Variants in PCDHA12 observed in about 807,000 individuals in gnomAD.
PCDHA12 encodes protocadherin alpha 12.
In PCDHA12, 44 loss-of-function variants were observed where a neutral mutation model predicts 60.0. The ratio of observed to expected loss-of-function variants is 0.73; its 90% CI spans 0.58 to 0.94. PCDHA12 has a LOEUF of 0.94. Ranked by LOEUF, PCDHA12 falls within the 40% of genes least tolerant of loss-of-function variation. PCDHA12 has a pLI of 0.00. For synonymous variants in PCDHA12, 569 were observed against 553.0 expected, an observed-to-expected ratio of 1.03 and a Z score of -0.40; for missense variants, 1,276 against 1,239.7, an observed-to-expected ratio of 1.03 and a Z score of -0.44.
chr5:140,914,427 T>C (rs2076707638), intron 1 of PCDHA12, among the ~76,000 whole-genome samples: 1 of 152,196 alleles, frequency 6.6e-6, no homozygotes, highest in African/African-American at 2.4e-5. Context: ...TAGCAAGGAA[T>C]ATCTTTTCCC....
chr5:140,928,251 C>T (rs267600404), intron 1 of PCDHA12: 5 of 1,614,204 alleles, frequency 3.1e-6, no homozygotes, highest in Non-Finnish European at 3.4e-6. Flanking sequence ...AGGAACTTTT[C>T]GTTGCTGAAA....
chr5:140,995,709 G>C (rs1279829164), intron 3 of PCDHA12, among the ~76,000 whole-genome samples: 6 of 152,162 alleles, frequency 3.9e-5, no homozygotes, highest in African/African-American at 1.4e-4. Flanking sequence ...GCTGGGCTTG[G>C]AAATGTTCTT....
At chr5:140,954,722 G>A (rs1554221565) in intron 1 of PCDHA12, among the ~76,000 whole-genome samples, 1 of 152,092 alleles carries the variant, frequency 6.6e-6, no homozygotes, top group African/African-American at 2.4e-5. Context: ...TCTGTAGGTT[G>A]TCTTTTCACT....
At chr5:140,926,713 C>G (rs1018008271) in intron 1 of PCDHA12, 16 of 944,684 alleles carry the variant, frequency 1.7e-5, no homozygotes, top group Non-Finnish European at 2.3e-5. Flanking sequence ...CTGGCCAGCC[C>G]CGGCAATGCC....
chr5:140,999,775 A>T (rs2097875590), intron 3 of PCDHA12, among the ~76,000 whole-genome samples: 1 of 152,178 alleles, frequency 6.6e-6, no homozygotes, highest in African/African-American at 2.4e-5. Context: ...TATACTCTTA[A>T]CCTAGAAATG....
At chr5:140,937,190 A>T (rs1255488487) in intron 1 of PCDHA12, among the ~76,000 whole-genome samples, 1 of 151,824 alleles carries the variant, frequency 6.6e-6, no homozygotes, top group East Asian at 2.0e-4. Context: ...GGCGCCCGCC[A>T]CCATGCCCGG....
chr5:140,925,267 G>C (rs931372584), intron 1 of PCDHA12, among the ~76,000 whole-genome samples: 14 of 152,060 alleles, frequency 9.2e-5, no homozygotes, highest in Non-Finnish European at 1.9e-4. Flanking sequence ...CTTGATCTGT[G>C]TTCAGATTTT....
chr5:140,928,572 C>T, intron 1 of PCDHA12: 1 of 1,614,200 alleles, frequency 6.2e-7, no homozygotes, highest in Non-Finnish European at 8.5e-7. Flanking sequence ...TTCCCTTGCC[C>T]AGAAATGGTT....
rs782295059 is a variant in PCDHA12 at position 140,883,240 on chromosome 5, C to A, written c.2367+5401C>A. The A allele has an allele frequency of 3.7e-6, 6 of 1,613,998 alleles. No homozygotes were observed. The Admixed American group carries it at 1.0e-4, about 27-fold the overall frequency. ...ATGAAATATCCGTGGAGGCAGTTGA[C>A]AAAGGAAATATTCCAATGGCGGGTC... On this transcript the variant is annotated intron_variant, in intron 1 of 3. Coordinates refer to ENST00000398631, the MANE Select transcript of PCDHA12 (RefSeq NM_018903.4).
At chr5:140,923,480 C>G (rs1554201462) in intron 1 of PCDHA12, among the ~76,000 whole-genome samples, 1 of 152,064 alleles carries the variant, frequency 6.6e-6, no homozygotes, top group African/African-American at 2.4e-5. Context: ...AGTGAGCCAT[C>G]TTCACACCAC....
intron 1 of PCDHA12, among the ~76,000 whole-genome samples, chr5:140,892,860 T>C (rs1554185404): frequency 6.6e-6 from 1 of 152,158 alleles, no homozygotes; most frequent in Non-Finnish European, 1.5e-5. Flanking sequence ...ATTCCTCCTG[T>C]GTAGCTATAA....
Position 140,942,913 on chromosome 5 carries a change from GA to G in PCDHA12, c.2368-36026del, listed in dbSNP as rs58669311. Among the ~76,000 whole-genome samples the G allele has an allele frequency of 2.0e-3, 305 of 148,960 alleles. 3 individuals carry two copies. The highest frequency in any genetic ancestry group is 6.9e-3 in the African/African-American group (281 of 40,624). ...ATTTATCTCTAAGAATAAGCGTGAA[GA>G]AAAAAAAAATTGAAAAAGAGTTTAA... On this transcript the variant is annotated intron_variant, in intron 1 of 3. Coordinates refer to ENST00000398631, the MANE Select transcript of PCDHA12 (RefSeq NM_018903.4).
At chr5:140,964,013 A>G (rs155811) in intron 1 of PCDHA12, among the ~76,000 whole-genome samples, 53,810 of 151,994 alleles carry the variant, frequency 0.35, 9,678 homozygotes, top group East Asian at 0.53. Context: ...TTTTTAATAG[A>G]GAGCTCTTGA....
intron 1 of PCDHA12, among the ~76,000 whole-genome samples, chr5:140,923,505 G>C (rs1281972725): frequency 6.6e-6 from 1 of 152,118 alleles, no homozygotes; most frequent in East Asian, 1.9e-4. Context: ...CTCCAGCCTG[G>C]ATGATGAAGT....
chr5:140,896,092 TG>T (rs2065379013), intron 1 of PCDHA12, among the ~76,000 whole-genome samples: 1 of 152,194 alleles, frequency 6.6e-6, no homozygotes, highest in Non-Finnish European at 1.5e-5. Context: ...ATTACAGGCG[TG>T]AGCCACTGTG....
intron 1 of PCDHA12, among the ~76,000 whole-genome samples, chr5:140,889,132 G>C (rs1338926841): frequency 6.6e-6 from 1 of 151,438 alleles, no homozygotes; most frequent in Non-Finnish European, 1.5e-5. Context: ...ATATGTCCTA[G>C]TTTTTCTTCC....
At chr5:140,903,982 T>G (rs782635653) in intron 1 of PCDHA12, among the ~76,000 whole-genome samples, 5 of 152,232 alleles carry the variant, frequency 3.3e-5, no homozygotes, top group African/African-American at 4.8e-5. Flanking sequence ...CTATTCACAA[T>G]GTAACAGCTA....
Position 140,876,962 on chromosome 5 carries a change from G to T in PCDHA12, c.1490G>T (p.Arg497Leu), listed in dbSNP as rs375871457. 15 of 1,612,908 alleles carry T rather than the reference G, an allele frequency of 9.3e-6. No homozygotes were observed. The African/African-American group carries it at 1.6e-4, about 17-fold the overall frequency. ...CTGGTGTCCTACTCGCTGGTGGAGCGGCGGGTGGGCGAGCACGCACTGTCG... is the reference window on the plus strand; with the variant it reads ...CTGGTGTCCTACTCGCTGGTGGAGCTGCGGGTGGGCGAGCACGCACTGTCG... The part of the protein sequence containing the change: ...NALVSYSLVE[R>L]RVGEHALSSY... The change falls in exon 1 of 4, where the codon CGG becomes CTG. Residue 497 changes from arginine (R) to leucine (L), a missense_variant. By Grantham distance (102) the Arg-to-Leu change is moderately radical. Coordinates refer to ENST00000398631, the MANE Select transcript of PCDHA12 (RefSeq NM_018903.4).
At chr5:140,883,662 A>G (rs371713279) in intron 1 of PCDHA12, 3 of 1,613,586 alleles carry the variant, frequency 1.9e-6, no homozygotes, top group Non-Finnish European at 2.5e-6. Context: ...GTGTTCGTGA[A>G]GGAAAACAAT....
Sources: allele counts gnomAD v4.1 joint callset (sites outside exome capture counted in the v4.1 genomes callset), GRCh38; gene constraint gnomAD v4.1.1; transcripts MANE v1.5; gene names NCBI Gene and HGNC (gene_info 2026-07-23, HGNC 2026-07-21).